SPRY3: variants seen among roughly 807,000 people sequenced by gnomAD.
The protein encoded by SPRY3 is protein sprouty homolog 3.
Under a neutral mutation model 20.2 loss-of-function variants are expected in SPRY3, and 15 were observed. The observed-to-expected ratio is 0.74, with a 90% CI of 0.50 to 1.14. The LOEUF (loss-of-function observed/expected upper bound fraction) is 1.14, where lower values mean the gene tolerates loss of function less well. Ranked by LOEUF, SPRY3 falls within the 50% of genes most tolerant of loss-of-function variation. The pLI, the probability that SPRY3 is intolerant of heterozygous loss-of-function variation, is 0.00. For missense variants in SPRY3, 364 were observed against 363.9 expected, an observed-to-expected ratio of 1.00 and a Z score of 0.00; for synonymous variants, 143 against 136.5, an observed-to-expected ratio of 1.05 and a Z score of -0.33.
chrX:155,732,038 G>A (rs1434691014), intron 2 of SPRY3, among the ~76,000 whole-genome samples: 2 of 151,948 alleles, frequency 1.3e-5, no homozygotes, highest in African/African-American at 4.8e-5. Flanking sequence ...TGATAAAAAT[G>A]TCAAATCTTA....
At chrX:155,704,438 A>G (rs2090934564) in intron 2 of SPRY3, among the ~76,000 whole-genome samples, 1 of 151,788 alleles carries the variant, frequency 6.6e-6, no homozygotes, top group Admixed American at 6.6e-5. Context: ...CTTAAAATAT[A>G]TTAAATTGAA....
exon 4 of SPRY3, chrX:155,774,223 G>A (rs755689008): frequency 1.2e-6 from 2 of 1,613,984 alleles, no homozygotes; most frequent in African/African-American, 1.3e-5. Flanking sequence ...AACCCAACCT[G>A]GAGCAGGGGT....
rs183243772 is a variant in SPRY3, at chrX:155,647,822, G to A, written c.-440-9045G>A. 2.6e-3 allele frequency among the ~76,000 whole-genome samples: 291 copies of A among 111,894 alleles called. 1 individual carries two copies. Among genetic ancestry groups the A allele is most frequent in the Non-Finnish European group, 4.7e-3 (251 of 53,118 alleles). On this transcript the variant is annotated intron_variant, in intron 1 of 3. Transcript: ENST00000675360. ...TTTATAATTTTTTGGTATATACCCA[G>A]TAATAGGATGGCTGGTTCAAATGGT...
At chrX:155,661,892 G>T (rs2068010909) in intron 2 of SPRY3, among the ~76,000 whole-genome samples, 1 of 110,745 alleles carries the variant, frequency 9.0e-6, no homozygotes, top group Non-Finnish European at 1.9e-5. Context: ...GTTCTGTATG[G>T]GTTTTTAAAA....
chrX:155,709,715 G>T (rs1217841330), intron 2 of SPRY3, among the ~76,000 whole-genome samples: 1 of 151,650 alleles, frequency 6.6e-6, no homozygotes, highest in East Asian at 1.9e-4. Context: ...TGCTTGCAAG[G>T]TAATTCTCAA....
intron 2 of SPRY3, among the ~76,000 whole-genome samples, chrX:155,756,086 G>T (rs1249991380): frequency 1.3e-5 from 2 of 152,032 alleles, no homozygotes; most frequent in Admixed American, 1.3e-4. Context: ...TTAGTACTGG[G>T]TAGGATGTCA....
chrX:155,722,850 G>A (rs1293631765), intron 2 of SPRY3, among the ~76,000 whole-genome samples: 3 of 152,154 alleles, frequency 2.0e-5, no homozygotes, highest in Non-Finnish European at 2.9e-5. Context: ...TGTTATATAG[G>A]TATACATGTG....
At chrX:155,708,034 T>A (rs1229240024) in intron 2 of SPRY3, among the ~76,000 whole-genome samples, 1 of 151,322 alleles carries the variant, frequency 6.6e-6, no homozygotes, top group Non-Finnish European at 1.5e-5. Flanking sequence ...TAATATACAA[T>A]TTTAATTCTT....
exon 2 of SPRY3, among the ~76,000 whole-genome samples, chrX:155,656,992 C>T (rs782161705): frequency 8.1e-5 from 9 of 111,223 alleles, no homozygotes; most frequent in African/African-American, 1.6e-4. Context: ...AGAGGGTCAC[C>T]GACCTGATGC....
chrX:155,618,694 G>C (rs1234703940), intron 1 of SPRY3, among the ~76,000 whole-genome samples: 2 of 111,445 alleles, frequency 1.8e-5, no homozygotes, highest in Admixed American at 9.6e-5. Flanking sequence ...CCAGCATTTT[G>C]TACTGTATTT....
intron 1 of SPRY3, among the ~76,000 whole-genome samples, chrX:155,614,421 T>C (rs1399243044): frequency 8.9e-6 from 1 of 112,091 alleles, no homozygotes; most frequent in Non-Finnish European, 1.9e-5. Flanking sequence ...TGATAGACAA[T>C]ACCTGTTTGT....
At chrX:155,704,083 A>C (rs889414801) in intron 2 of SPRY3, among the ~76,000 whole-genome samples, 1 of 151,848 alleles carries the variant, frequency 6.6e-6, no homozygotes, top group African/African-American at 2.4e-5. Flanking sequence ...TTTCCTACCC[A>C]ACTTATTCAA....
chrX:155,773,311 T>TATATAC (rs1036548617), intron 3 of SPRY3, among the ~76,000 whole-genome samples: 8 of 127,780 alleles, frequency 6.3e-5, no homozygotes, highest in Non-Finnish European at 1.0e-4. Flanking sequence ...TGATTGGATA[T>TATATAC]ATATATATAT....
At chrX:155,704,237 G>T (rs1421205426) in intron 2 of SPRY3, among the ~76,000 whole-genome samples, 2 of 151,708 alleles carry the variant, frequency 1.3e-5, no homozygotes, top group African/African-American at 4.8e-5. Context: ...ATAACTATGA[G>T]TAATTAGTTA....
At chrX:155,741,125 T>C (rs2091202697) in intron 2 of SPRY3, among the ~76,000 whole-genome samples, 1 of 152,154 alleles carries the variant, frequency 6.6e-6, no homozygotes, top group Admixed American at 6.6e-5. Context: ...CAGGAGCTGA[T>C]AACCAGGATA....
intron 2 of SPRY3, among the ~76,000 whole-genome samples, chrX:155,760,130 T>TAG (rs1249871169): frequency 3.3e-5 from 5 of 152,238 alleles, no homozygotes; most frequent in African/African-American, 2.4e-5. Flanking sequence ...CACACTGGAA[T>TAG]AGAGTAGTAA....
chrX:155,722,765 C>A (rs898878861), intron 2 of SPRY3, among the ~76,000 whole-genome samples: 21 of 151,966 alleles, frequency 1.4e-4, no homozygotes, highest in African/African-American at 4.1e-4. Flanking sequence ...ATCCTTTGAT[C>A]TATTGGCTAC....
downstream of SPRY3, chrX:155,778,223 G>A (rs781180697): frequency 6.0e-6 from 1 of 167,136 alleles, no homozygotes; most frequent in South Asian, 2.1e-4. Context: ...AACCATTCTG[G>A]AGTAACAAGC....
intron 2 of SPRY3, among the ~76,000 whole-genome samples, chrX:155,754,881 G>C (rs2091277753): frequency 6.6e-6 from 1 of 151,744 alleles, no homozygotes; most frequent in African/African-American, 2.4e-5. Context: ...TGCATTTTCA[G>C]GTTGTTCATT....
Sources: gnomAD v4.1 joint callset for allele counts (sites outside exome capture counted in the v4.1 genomes callset) on GRCh38, gnomAD v4.1.1 for gene constraint, MANE v1.5 for transcripts, NCBI Gene and HGNC (gene_info 2026-07-23, HGNC 2026-07-21) for gene names.